The following GRIK4 variants were observed in gnomAD, a reference collection of about 807,000 sequenced individuals.
The protein encoded by GRIK4 is glutamate ionotropic receptor kainate type subunit 4.
A neutral mutation model predicts 104.9 loss-of-function variants in GRIK4; 40 were observed. The ratio of observed to expected loss-of-function variants is 0.38; its 90% CI spans 0.30 to 0.50. The LOEUF (loss-of-function observed/expected upper bound fraction) is 0.50, where lower values mean the gene tolerates loss of function less well. Ranked by LOEUF, GRIK4 falls within the 20% of genes least tolerant of loss-of-function variation. The probability of loss-of-function intolerance (pLI) is 0.93; values close to 1 mark genes in which losing one functional copy is unlikely to be tolerated. For missense variants in GRIK4, 1,047 were observed against 1,308.1 expected (o/e 0.80, Z 3.08); for synonymous variants, 485 against 524.9 (o/e 0.92, Z 1.04).
At chr11:120,977,353 GGCATCTGTGAGT>G (rs1316445581) in intron 19 of GRIK4, among the ~76,000 whole-genome samples, 1 of 152,202 alleles carries the variant, frequency 6.6e-6, no homozygotes, top group Admixed American at 6.5e-5. Flanking sequence ...CCATTGCTGA[GGCATCTGTGAGT>G]GCCGCGTGGG....
chr11:120,693,751 G>A (rs1950401339), intron 3 of GRIK4, among the ~76,000 whole-genome samples: 1 of 152,150 alleles, frequency 6.6e-6, no homozygotes, highest in Non-Finnish European at 1.5e-5. Context: ...TTGGATGTGG[G>A]GTAGTGGGCA....
chr11:120,634,407 C>T (rs910894680), intron 1 of GRIK4, among the ~76,000 whole-genome samples: 2 of 152,114 alleles, frequency 1.3e-5, no homozygotes, highest in African/African-American at 2.4e-5. Context: ...CACACCACCC[C>T]GCCACCATCC....
chr11:120,575,292 C>G (rs1394470248), intron 1 of GRIK4, among the ~76,000 whole-genome samples: 1 of 152,160 alleles, frequency 6.6e-6, no homozygotes, highest in Non-Finnish European at 1.5e-5. Context: ...GTGCTACTAT[C>G]TTTCCATTTA....
chr11:120,518,171 G>A (rs1947753454), intron 1 of GRIK4, among the ~76,000 whole-genome samples: 1 of 152,132 alleles, frequency 6.6e-6, no homozygotes, highest in Admixed American at 6.5e-5. Context: ...GCAATGGTTG[G>A]CCTGGCCACT....
At chr11:120,736,863 A>T (rs77606285) in intron 3 of GRIK4, among the ~76,000 whole-genome samples, 1,936 of 152,088 alleles carry the variant, frequency 0.013, 37 homozygotes, top group African/African-American at 0.043. Context: ...TTATCCCCAG[A>T]TGTGGTTGTG....
At chr11:120,634,618 G>A (rs1005491553) in intron 1 of GRIK4, among the ~76,000 whole-genome samples, 2 of 148,250 alleles carry the variant, frequency 1.3e-5, no homozygotes, top group African/African-American at 4.9e-5. Flanking sequence ...GGACCCACTC[G>A]GAATTGAGTC....
chr11:120,701,007 G>T (rs1315001600), intron 3 of GRIK4, among the ~76,000 whole-genome samples: 3 of 152,158 alleles, frequency 2.0e-5, no homozygotes, highest in Non-Finnish European at 2.9e-5. Context: ...TGCTGTGTAG[G>T]CTTGTAGCCT....
intron 3 of GRIK4, among the ~76,000 whole-genome samples, chr11:120,744,125 G>A (rs772092181): frequency 1.2e-4 from 19 of 152,156 alleles, no homozygotes; most frequent in Non-Finnish European, 2.8e-4. Context: ...GCTTTGCAGT[G>A]ATAGAGTCTT....
At chr11:120,541,133 T>A (rs979666404) in intron 1 of GRIK4, among the ~76,000 whole-genome samples, 1 of 152,240 alleles carries the variant, frequency 6.6e-6, no homozygotes, top group South Asian at 2.1e-4. Flanking sequence ...AGTTCACACA[T>A]CTGGGCCCTT....
chr11:120,840,145 CAG>C (rs900516182), intron 8 of GRIK4, among the ~76,000 whole-genome samples: 5 of 152,116 alleles, frequency 3.3e-5, no homozygotes, highest in African/African-American at 1.2e-4. Flanking sequence ...GGCTCAGTGA[CAG>C]GGTGACAGTG....
At chr11:120,803,908 G>A (rs960894167) in intron 4 of GRIK4, among the ~76,000 whole-genome samples, 1 of 152,182 alleles carries the variant, frequency 6.6e-6, no homozygotes, top group South Asian at 2.1e-4. Context: ...CTTTAGAAAA[G>A]AAACTGAGGC....
At chr11:120,553,323 A>G (rs11217915) in intron 1 of GRIK4, among the ~76,000 whole-genome samples, 4,543 of 152,244 alleles carry the variant, frequency 0.03, 210 homozygotes, top group African/African-American at 0.1. Flanking sequence ...GGCACTGGGG[A>G]CACCCAGAGG....
chr11:120,587,443 T>C (rs1306872005), intron 1 of GRIK4, among the ~76,000 whole-genome samples: 1 of 152,212 alleles, frequency 6.6e-6, no homozygotes, highest in East Asian at 1.9e-4. Flanking sequence ...ATGTGTCACC[T>C]GGGAAAAGTT....
At chr11:120,536,510 G>A (rs1226275346) in intron 1 of GRIK4, among the ~76,000 whole-genome samples, 1 of 152,150 alleles carries the variant, frequency 6.6e-6, no homozygotes, top group Non-Finnish European at 1.5e-5. Flanking sequence ...ATTACAGATT[G>A]GGGGGGCCTG....
chr11:120,941,431 C>T (rs1350069293), intron 14 of GRIK4, among the ~76,000 whole-genome samples: 2 of 152,172 alleles, frequency 1.3e-5, no homozygotes. Context: ...TCCACCTTTG[C>T]AGCTCCAGCC....
intron 5 of GRIK4, among the ~76,000 whole-genome samples, chr11:120,816,775 C>T (rs897261188): frequency 2.0e-5 from 3 of 152,140 alleles, no homozygotes; most frequent in South Asian, 2.1e-4. Flanking sequence ...GTCCTGGTCG[C>T]GTTGGTCCTG....
chr11:120,595,396 G>A (rs963804117), intron 1 of GRIK4, among the ~76,000 whole-genome samples: 2 of 152,004 alleles, frequency 1.3e-5, no homozygotes, highest in South Asian at 2.1e-4. Context: ...TTATTTTTTC[G>A]GTATACTTTT....
chr11:120,850,014 G>A (rs1416200266), intron 8 of GRIK4, among the ~76,000 whole-genome samples: 1 of 152,162 alleles, frequency 6.6e-6, no homozygotes, highest in Non-Finnish European at 1.5e-5. Context: ...AATGAAATCT[G>A]TTTTCTTGCT....
At chr11:120,837,811 G>A (rs1953613378) in intron 8 of GRIK4, among the ~76,000 whole-genome samples, 1 of 152,164 alleles carries the variant, frequency 6.6e-6, no homozygotes. Flanking sequence ...ATCTGGGGGA[G>A]CCTGGGCAAG....
Sources: allele counts gnomAD v4.1 joint callset (sites outside exome capture counted in the v4.1 genomes callset), GRCh38; gene constraint gnomAD v4.1.1; transcripts MANE v1.5; gene names NCBI Gene and HGNC (gene_info 2026-07-23, HGNC 2026-07-21).